SETX: variants seen among roughly 807,000 people sequenced by gnomAD.
SETX encodes senataxin.
In SETX, 90 loss-of-function variants were observed where a neutral mutation model predicts 227.2. The observed-to-expected ratio is 0.40, with a 90% CI of 0.33 to 0.47. The LOEUF (loss-of-function observed/expected upper bound fraction) is 0.47, where lower values mean the gene tolerates loss of function less well. SETX is among the 20% of genes least tolerant of loss of function. The probability of loss-of-function intolerance (pLI) is 0.91; values close to 1 mark genes in which losing one functional copy is unlikely to be tolerated. For synonymous variants in SETX, 1,210 were observed against 1,113.2 expected (o/e 1.09, Z -1.73); for missense variants, 3,052 against 3,181.5 (o/e 0.96, Z 0.98).
rs533787673 is a variant in SETX at position 132,314,412 on chromosome 9, A to G, written c.5275-2556T>C. Among the ~76,000 whole-genome samples, 3 of 151,922 alleles carry G rather than the reference A, an allele frequency of 2.0e-5. No individual in the cohort carries two copies. In the South Asian group the frequency reaches 6.2e-4, roughly 32 times the overall value. ...CCCACATTTTGTATTTTTAGTAGAG[A>G]CAGCGTTTCACCATGCTGGCCAGCT... On this transcript the variant is annotated intron_variant, in intron 10 of 25. Coordinates refer to ENST00000224140, the MANE Select transcript of SETX (RefSeq NM_015046.7).
At chr9:132,352,104 G>C (rs540379) in intron 2 of SETX, among the ~76,000 whole-genome samples, 151,754 of 152,346 alleles carry the variant, frequency 1, 75,586 homozygotes, top group East Asian at 1. Context: ...CTACCTCCCA[G>C]CTCTTCAGCT....
At chr9:132,269,151 G>C (rs28513470) in intron 25 of SETX, among the ~76,000 whole-genome samples, 1 of 152,214 alleles carries the variant, frequency 6.6e-6, no homozygotes, top group Admixed American at 6.5e-5. Context: ...CGCCTGTCCT[G>C]GCAGAAGAAT....
At position 132,296,878 on chromosome 9, in the gene SETX, C is replaced by G; in HGVS notation, c.5949+9G>C. 1 of 1,613,906 alleles carries G rather than the reference C, an allele frequency of 6.2e-7. No homozygotes were observed. Among genetic ancestry groups the G allele is most frequent in the African/African-American group, 1.3e-5 (1 of 75,024 alleles). On this transcript the variant is annotated intron_variant, in intron 14 of 25. Transcript: ENST00000224140. Reference sequence around the variant, plus strand: ...AGTTAACAGCATCAGTGCCCTCACCCATACCTACCTCTGTCAGTAGACGAT... The same window carrying G: ...AGTTAACAGCATCAGTGCCCTCACCGATACCTACCTCTGTCAGTAGACGAT...
At chr9:132,281,323 T>C (rs2131199206) in intron 20 of SETX, 144 bp downstream of exon 20, 2 of 654,378 alleles carry the variant, frequency 3.1e-6, no homozygotes, top group South Asian at 1.7e-5. Context: ...TTAAAATTTA[T>C]TAAGTGCTTC....
intron 15 of SETX, among the ~76,000 whole-genome samples, chr9:132,293,298 C>T (rs552109581): frequency 1.1e-4 from 16 of 152,212 alleles, no homozygotes; most frequent in African/African-American, 3.6e-4. Flanking sequence ...AAGCATTATA[C>T]TTAATGGAGA....
intron 10 of SETX, among the ~76,000 whole-genome samples, chr9:132,324,187 AT>A (rs965128596): frequency 3.7e-4 from 57 of 152,048 alleles, no homozygotes; most frequent in Admixed American, 2.5e-3. Context: ...AGGGTTATGA[AT>A]GGCTTCTAAG....
At chr9:132,270,265 A>G (rs1477132286) in intron 24 of SETX, among the ~76,000 whole-genome samples, 1 of 151,404 alleles carries the variant, frequency 6.6e-6, no homozygotes, top group Non-Finnish European at 1.5e-5. Flanking sequence ...GGTGGACTCT[A>G]GAATGACTCA....
At chr9:132,275,168 C>CT in intron 23 of SETX, 88 bp downstream of exon 23, 2 of 1,447,562 alleles carry the variant, frequency 1.4e-6, no homozygotes, top group Non-Finnish European at 1.9e-6. Context: ...CAGACCACTC[C>CT]TTAAGAGTTT....
chr9:132,321,519 T>C (rs916573747), intron 10 of SETX, among the ~76,000 whole-genome samples: 1 of 152,030 alleles, frequency 6.6e-6, no homozygotes, highest in South Asian at 2.1e-4. Context: ...TAGCCAGGCA[T>C]GGTGGCAGGC....
At chr9:132,292,712 C>T (rs537205295) in intron 15 of SETX, among the ~76,000 whole-genome samples, 3 of 149,920 alleles carry the variant, frequency 2.0e-5, no homozygotes, top group East Asian at 4.0e-4. Flanking sequence ...TCACTGCAAG[C>T]TCCGCCTCCC....
chr9:132,350,917 G>C (rs1402278605), intron 2 of SETX, among the ~76,000 whole-genome samples: 1 of 152,180 alleles, frequency 6.6e-6, no homozygotes, highest in Non-Finnish European at 1.5e-5. Context: ...GGGAAAAAGA[G>C]TATGCAGTGA....
chr9:132,266,081 G>A lies in SETX; in HGVS notation c.7288-1096C>T, dbSNP rs183598212. The A allele has an allele frequency of 1.1e-4, 17 of 152,278 alleles. No individual in the cohort carries two copies. The East Asian group carries it at 2.3e-3, about 21-fold the overall frequency. 9.4% of individuals were successfully genotyped at this position (152,278 alleles called of 1,614,324 possible). A position where few individuals can be genotyped will look rare whatever the true frequency, so the allele number is the denominator to read the frequency against. On this transcript the variant is annotated intron_variant, in intron 25 of 25. Transcript: ENST00000224140. ...TGCTGCTTTACAACCACTAGAATTC[G>A]GGTCTCTTTAGAAAGAAGAAAGAAA...
At chr9:132,288,403 T>A (rs1564492215) in intron 16 of SETX, 52 bp from the exon 17 acceptor site, 1 of 1,470,018 alleles carries the variant, frequency 6.8e-7, no homozygotes, top group Non-Finnish European at 9.4e-7. Flanking sequence ...TCTAACAAAC[T>A]CACACACATA....
At chr9:132,273,844 G>T (rs1341613177) in intron 23 of SETX, among the ~76,000 whole-genome samples, 3 of 151,960 alleles carry the variant, frequency 2.0e-5, no homozygotes, top group Non-Finnish European at 2.9e-5. Flanking sequence ...TTGAAAAAAA[G>T]CATTAAGAGT....
chr9:132,346,273 G>A lies in SETX; in HGVS notation c.376C>T (p.His126Tyr). 1 of 1,612,984 alleles carries A rather than the reference G, an allele frequency of 6.2e-7. No homozygotes were observed. The highest frequency in any genetic ancestry group is 8.5e-7 in the Non-Finnish European group (1 of 1,179,074). The stretch of plus-strand genomic sequence containing the variant: ...TCAAGATACTCACTAACACGTTCAT[G>A]TAGAAGCAAGTAAGGATATTTCAGT... ...EILKYPYLLLHERVNELCVEA... is the reference protein window; with the variant it reads ...EILKYPYLLLYERVNELCVEA... The change falls in exon 4 of 26, where the codon CAT becomes TAT. Residue 126 changes from histidine to tyrosine, a missense_variant. This residue lies in a region of SETX where 152 missense variants were observed against 156.2 expected (regional missense o/e 0.97). Coordinates refer to ENST00000224140, the MANE Select transcript of SETX (RefSeq NM_015046.7).
At position 132,263,197 on chromosome 9, in the gene SETX, T is replaced by C. The variant is rs886463859; in HGVS notation, c.*1042A>G. On this transcript the variant is annotated 3_prime_UTR_variant, in exon 26 of 26. Coordinates refer to ENST00000224140, the MANE Select transcript of SETX (RefSeq NM_015046.7). ...TTACGCTTCATTTTAAATCGGGTGC[T>C]TCTTTCCCGCCCAAAATATTCTATT... 1.3e-5 allele frequency: 2 copies of C among 152,256 alleles called. No individual in the cohort carries two copies. Among genetic ancestry groups the C allele is most frequent in the African/African-American group, 4.8e-5 (2 of 41,454 alleles). The allele number at this position is 152,256 out of a possible 1,614,324, so 9.4% of individuals were successfully genotyped here.
rs923286149 is a variant in SETX at position 132,354,636 on chromosome 9, C to T, written c.-115+281G>A. ...CCAAGGAAACTACGCAGTATCCACACCAAAAACAGCTCACACGAGACCGCA... is the reference window on the plus strand; with the variant it reads ...CCAAGGAAACTACGCAGTATCCACATCAAAAACAGCTCACACGAGACCGCA... On this transcript the variant is annotated intron_variant, in intron 1 of 25. Transcript: ENST00000224140. 2.0e-5 allele frequency among the ~76,000 whole-genome samples: 3 copies of T among 152,198 alleles called. No homozygotes were observed. The South Asian group carries it at 6.2e-4, about 32-fold the overall frequency.
chr9:132,277,457 A>C (rs1457935205), intron 21 of SETX, among the ~76,000 whole-genome samples: 2 of 152,166 alleles, frequency 1.3e-5, no homozygotes, highest in Non-Finnish European at 2.9e-5. Context: ...AAAAATTTAA[A>C]AAGTAAAAAA....
At chr9:132,355,050 A>G (rs557885941), upstream of SETX, 3 of 151,712 alleles carry the variant, frequency 2.0e-5, no homozygotes, top group Admixed American at 6.6e-5. Context: ...CCCCGCGCTG[A>G]GTCGGCCGGC....
Sources: allele counts gnomAD v4.1 joint callset (sites outside exome capture counted in the v4.1 genomes callset), GRCh38; gene constraint gnomAD v4.1.1; regional missense constraint gnomAD v4.1.1; transcripts MANE v1.5; gene names NCBI Gene and HGNC (gene_info 2026-07-23, HGNC 2026-07-21).